NBAS: variants seen among roughly 807,000 people sequenced by gnomAD.
The protein encoded by NBAS is NAG/BC035112 fusion.
Under a neutral mutation model 302.5 loss-of-function variants are expected in NBAS, and 219 were observed. The observed-to-expected ratio is 0.72, with a 90% CI of 0.65 to 0.81. The LOEUF (loss-of-function observed/expected upper bound fraction) is 0.81, where lower values mean the gene tolerates loss of function less well. Ranked by LOEUF, NBAS falls within the 30% of genes least tolerant of loss-of-function variation. The pLI is 0.00. For missense variants in NBAS, 2,932 were observed against 2,841.6 expected, an observed-to-expected ratio of 1.03 and a Z score of -0.72; for synonymous variants, 1,118 against 1,021.6, an observed-to-expected ratio of 1.09 and a Z score of -1.80.
rs183356826 is a variant in NBAS at position 15,473,518 on chromosome 2, G to T, written c.1600-171C>A. On this transcript the variant is annotated intron_variant, in intron 15 of 51. Coordinates refer to ENST00000281513, the MANE Select transcript of NBAS (RefSeq NM_015909.4). ...ATATTTTGAGGAGCAGAAAGATCTC[G>T]TGTTTCTTTCAGCACTTCAACAGAA... Among the ~76,000 whole-genome samples the T allele has an allele frequency of 4.9e-4, 75 of 152,284 alleles. 1 individual carries two copies. The highest frequency in any genetic ancestry group is 1.7e-3 in the African/African-American group (71 of 41,560).
At chr2:15,515,315 A>G (rs1662336702) in intron 9 of NBAS, among the ~76,000 whole-genome samples, 1 of 152,238 alleles carries the variant, frequency 6.6e-6, no homozygotes, top group African/African-American at 2.4e-5. Context: ...GAAGATGATA[A>G]GCAAATCTAA....
intron 10 of NBAS, among the ~76,000 whole-genome samples, chr2:15,510,272 G>A (rs2148646666): frequency 6.6e-6 from 1 of 152,320 alleles, no homozygotes; most frequent in African/African-American, 2.4e-5. Context: ...TGGACACATA[G>A]AAAACTATTT....
the NBAS span, among the ~76,000 whole-genome samples, chr2:14,959,736 T>TATGAC: frequency 1.3e-5 from 2 of 152,210 alleles, no homozygotes; most frequent in African/African-American, 4.8e-5. Flanking sequence ...CCTTTTCCCA[T>TATGAC]ATGACATGTT....
chr2:15,126,444 T>G, the NBAS span, among the ~76,000 whole-genome samples: 2 of 152,036 alleles, frequency 1.3e-5, no homozygotes, highest in Non-Finnish European at 2.9e-5. Context: ...GAAGGGAAAG[T>G]GGCCACTAAG....
At chr2:14,961,617 C>T in the NBAS span, among the ~76,000 whole-genome samples, 1 of 152,090 alleles carries the variant, frequency 6.6e-6, no homozygotes. Context: ...CTCATGTCTT[C>T]CTTTATAGCA....
At chr2:15,178,841 C>T (rs2125116817) in intron 51 of NBAS, 147 bp downstream of exon 51, 1 of 1,168,626 alleles carries the variant, frequency 8.6e-7, no homozygotes, top group South Asian at 1.5e-5. Context: ...TGGGACAAAA[C>T]AGGAACAGCT....
At chr2:14,804,342 G>T in the NBAS span, among the ~76,000 whole-genome samples, 1 of 152,208 alleles carries the variant, frequency 6.6e-6, no homozygotes. Context: ...GTGCTGAAGT[G>T]CTGTCTGGTG....
chr2:15,002,283 G>T, the NBAS span, among the ~76,000 whole-genome samples: 8 of 152,114 alleles, frequency 5.3e-5, no homozygotes, highest in Non-Finnish European at 1.2e-4. Flanking sequence ...CAGACATAAA[G>T]GTTCTCCAAG....
the NBAS span, among the ~76,000 whole-genome samples, chr2:14,848,396 C>T: frequency 1.4e-5 from 2 of 140,904 alleles, 1 homozygote; most frequent in African/African-American, 6.2e-5. Context: ...CACCACGAGA[C>T]TATATCCCAC....
chr2:15,514,412 G>GT (rs933401225), intron 9 of NBAS, among the ~76,000 whole-genome samples: 5 of 152,028 alleles, frequency 3.3e-5, no homozygotes, highest in African/African-American at 1.2e-4. Context: ...TAATCACAAC[G>GT]TTTTTTCAAT....
At chr2:14,970,597 C>T in the NBAS span, among the ~76,000 whole-genome samples, 11 of 152,188 alleles carry the variant, frequency 7.2e-5, no homozygotes, top group Admixed American at 2.0e-4. Context: ...AAGAGATTCT[C>T]TCTGGATTTC....
chr2:15,389,090 C>A (rs1422625239), intron 28 of NBAS, among the ~76,000 whole-genome samples: 2 of 152,122 alleles, frequency 1.3e-5, no homozygotes, highest in African/African-American at 2.4e-5. Flanking sequence ...ACTTCCACTG[C>A]CAAATGGCAT....
chr2:14,901,610 T>C, the NBAS span, among the ~76,000 whole-genome samples: 1 of 152,126 alleles, frequency 6.6e-6, no homozygotes, highest in Non-Finnish European at 1.5e-5. Context: ...ACTGAACTCA[T>C]CCTTTGCAAG....
chr2:15,316,438 G>A (rs1439335732), intron 38 of NBAS, among the ~76,000 whole-genome samples: 8 of 152,246 alleles, frequency 5.3e-5, no homozygotes, highest in Non-Finnish European at 1.2e-4. Flanking sequence ...CACAGGAAGT[G>A]CAAGGGGTTG....
chr2:15,216,562 G>A (rs181144053), intron 48 of NBAS, among the ~76,000 whole-genome samples: 1 of 152,320 alleles, frequency 6.6e-6, no homozygotes, highest in Non-Finnish European at 1.5e-5. Flanking sequence ...TTTGGAAAAA[G>A]TTAAGCTATC....
At chr2:15,459,212 T>TC (rs1271337756) in intron 21 of NBAS, among the ~76,000 whole-genome samples, 2 of 152,214 alleles carry the variant, frequency 1.3e-5, no homozygotes, top group Non-Finnish European at 2.9e-5. Flanking sequence ...GGGAGGCCCT[T>TC]CAGGGTGGTA....
chr2:15,399,309 C>T (rs756596287), intron 26 of NBAS, among the ~76,000 whole-genome samples: 1 of 152,080 alleles, frequency 6.6e-6, no homozygotes, highest in Non-Finnish European at 1.5e-5. Context: ...AAACTCCCTG[C>T]CACTCCAGCT....
At chr2:14,891,506 T>C in the NBAS span, among the ~76,000 whole-genome samples, 2 of 152,196 alleles carry the variant, frequency 1.3e-5, no homozygotes, top group Non-Finnish European at 2.9e-5. Flanking sequence ...ACTTACTTAT[T>C]TATTATAATC....
the NBAS span, among the ~76,000 whole-genome samples, chr2:15,017,341 T>C: frequency 3.9e-5 from 6 of 151,990 alleles, no homozygotes; most frequent in Admixed American, 3.9e-4. Context: ...TAAAAAAGCT[T>C]CGTCACAGCA....
Sources: gnomAD v4.1 joint callset for allele counts (sites outside exome capture counted in the v4.1 genomes callset) on GRCh38, gnomAD v4.1.1 for gene constraint, MANE v1.5 for transcripts, NCBI Gene and HGNC (gene_info 2026-07-23, HGNC 2026-07-21) for gene names.